The following SEC14L6 variants were observed in gnomAD, a reference collection of about 807,000 sequenced individuals.
SEC14L6 encodes SEC14 like lipid binding 6.
Under a neutral mutation model 54.1 loss-of-function variants are expected in SEC14L6, and 40 were observed. That is an observed-to-expected ratio of 0.74 (90% CI 0.57 to 0.96). The LOEUF is 0.96. Among genes scored for constraint, SEC14L6 ranks in the 40% least tolerant of loss-of-function variants. SEC14L6 has a pLI of 0.00. For synonymous variants in SEC14L6, 171 were observed against 198.4 expected (o/e 0.86, Z 1.16); for missense variants, 471 against 498.3 (o/e 0.95, Z 0.52).
At chr22:30,540,947 G>A (rs547378716) in intron 1 of SEC14L6, among the ~76,000 whole-genome samples, 6 of 149,262 alleles carry the variant, frequency 4.0e-5, no homozygotes, top group African/African-American at 1.2e-4. Flanking sequence ...TGAACCCAGA[G>A]AGCGGAGGCT....
Position 30,543,957 on chromosome 22 carries a change from G to A in SEC14L6, c.54+2672C>T, listed in dbSNP as rs555072276. 100 of 1,606,324 alleles carry A rather than the reference G, an allele frequency of 6.2e-5. No homozygotes were observed. The African/African-American group carries it at 8.8e-4, about 14-fold the overall frequency. ...GCATTCAGACCAGCCTGCAGCCTGC[G>A]TCGGAGGACACCCTCACCTATGCTG... On this transcript the variant is annotated intron_variant, in intron 1 of 11. Coordinates refer to ENST00000402034, the MANE Select transcript of SEC14L6 (RefSeq NM_001193336.4).
At chr22:30,534,373 C>T (rs1491003460) in intron 2 of SEC14L6, among the ~76,000 whole-genome samples, 1 of 151,950 alleles carries the variant, frequency 6.6e-6, no homozygotes, top group African/African-American at 2.4e-5. Context: ...ACATTTTGGC[C>T]TCAGGAGCCC....
intron 2 of SEC14L6, 77 bp from the exon 3 acceptor site, chr22:30,534,116 C>T: frequency 7.1e-7 from 1 of 1,414,012 alleles, no homozygotes; most frequent in Non-Finnish European, 9.7e-7. Flanking sequence ...ACGGCCCTGC[C>T]CCACCCTCCA....
At chr22:30,532,097 T>C (rs1162438367) in intron 5 of SEC14L6, 99 bp from the exon 6 acceptor site, 3 of 1,479,728 alleles carry the variant, frequency 2.0e-6, no homozygotes, top group African/African-American at 1.4e-5. Flanking sequence ...GCCTGGCTTG[T>C]CTCAGCTCTG....
intron 8 of SEC14L6, among the ~76,000 whole-genome samples, chr22:30,527,051 T>C (rs1208085088): frequency 1.3e-5 from 2 of 151,816 alleles, no homozygotes; most frequent in Non-Finnish European, 2.9e-5. Context: ...TGAGCTATGA[T>C]CATGCCACTG....
chr22:30,538,725 T>C (rs769009773), intron 2 of SEC14L6, 102 bp downstream of exon 2: 309 of 787,018 alleles, frequency 3.9e-4, no homozygotes, highest in Non-Finnish European at 5.4e-4. Context: ...GCAGTTGTTT[T>C]AAATGGCTAT....
intron 2 of SEC14L6, among the ~76,000 whole-genome samples, chr22:30,535,887 GTT>G (rs71643521): frequency 0.6 from 76,676 of 128,494 alleles, 22,280 homozygotes; most frequent in Non-Finnish European, 0.66. Flanking sequence ...AGTTTTTTGT[GTT>G]TTTTTTTTTT....
At position 30,525,940 on chromosome 22, in the gene SEC14L6, G is replaced by T. The variant is rs1381708055; in HGVS notation, c.665-8C>A. ...GCTCCTGCTTCCAGTTGTCTGCATGGGAGCAAGAGAGGGACTCCAAAGGGA... is the reference window on the plus strand; with the variant it reads ...GCTCCTGCTTCCAGTTGTCTGCATGTGAGCAAGAGAGGGACTCCAAAGGGA... On this transcript the variant is annotated splice_region_variant and splice_polypyrimidine_tract_variant and intron_variant, in intron 8 of 11. Coordinates refer to ENST00000402034, the MANE Select transcript of SEC14L6 (RefSeq NM_001193336.4). 6.3e-7 allele frequency: 1 copy of T among 1,591,480 alleles called. No homozygotes were observed. The highest frequency in any genetic ancestry group is 2.3e-5 in the East Asian group (1 of 44,242).
At chr22:30,542,994 G>C (rs1046430128) in intron 1 of SEC14L6, 2 of 1,602,192 alleles carry the variant, frequency 1.2e-6, no homozygotes. Flanking sequence ...GCACTGAGCT[G>C]TCTGTGCGTG....
chr22:30,534,752 C>T (rs1202648601), intron 2 of SEC14L6, among the ~76,000 whole-genome samples: 1 of 152,160 alleles, frequency 6.6e-6, no homozygotes, highest in East Asian at 1.9e-4. Context: ...CATCTGGGAA[C>T]TATGGCTCAT....
intron 8 of SEC14L6, among the ~76,000 whole-genome samples, chr22:30,526,909 A>T (rs780584928): frequency 7.2e-5 from 11 of 152,084 alleles, no homozygotes; most frequent in Admixed American, 7.2e-4. Context: ...TAGTCTGGGT[A>T]ACATAGTAAA....
chr22:30,545,396 T>C (rs2085788143), intron 1 of SEC14L6, among the ~76,000 whole-genome samples: 1 of 151,098 alleles, frequency 6.6e-6, no homozygotes, highest in African/African-American at 2.4e-5. Context: ...CTCAAAACAC[T>C]CATTTTTTTT....
At chr22:30,533,006 T>A in intron 3 of SEC14L6, 150 bp from the exon 4 acceptor site, 1 of 1,486,242 alleles carries the variant, frequency 6.7e-7, no homozygotes. Context: ...AACTGGGGGA[T>A]GGAAACAGGA....
chr22:30,534,810 A>G (rs1476385561), intron 2 of SEC14L6, among the ~76,000 whole-genome samples: 1 of 152,092 alleles, frequency 6.6e-6, no homozygotes, highest in East Asian at 1.9e-4. Context: ...AGATCACCTG[A>G]GGTCAGGAGT....
chr22:30,541,533 C>A (rs11704402), intron 1 of SEC14L6, among the ~76,000 whole-genome samples: 1 of 152,144 alleles, frequency 6.6e-6, no homozygotes, highest in African/African-American at 2.4e-5. Context: ...GTGGCACACG[C>A]CTGTGATCCC....
intron 6 of SEC14L6, among the ~76,000 whole-genome samples, chr22:30,531,265 G>A (rs1320310666): frequency 1.3e-5 from 2 of 151,630 alleles, no homozygotes; most frequent in Non-Finnish European, 2.9e-5. Flanking sequence ...AAAATTAGCC[G>A]GGCGTGGTGG....
At chr22:30,529,396 CT>C (rs1234029933) in intron 6 of SEC14L6, 47 bp from the exon 7 acceptor site, 4 of 1,448,412 alleles carry the variant, frequency 2.8e-6, no homozygotes. Context: ...ACACTGTCCC[CT>C]TGCATCCCCT....
At chr22:30,533,650 A>C (rs938953331) in intron 3 of SEC14L6, among the ~76,000 whole-genome samples, 3 of 150,806 alleles carry the variant, frequency 2.0e-5, no homozygotes, top group Non-Finnish European at 4.4e-5. Flanking sequence ...GGGCCTTTGC[A>C]TGAGCTGTGC....
chr22:30,526,483 GA>G (rs1936784512), intron 8 of SEC14L6, among the ~76,000 whole-genome samples: 3 of 152,216 alleles, frequency 2.0e-5, no homozygotes, highest in Admixed American at 2.0e-4. Context: ...AGCAGAGGTG[GA>G]CACCCAGTAC....
Sources: gnomAD v4.1 joint callset for allele counts (sites outside exome capture counted in the v4.1 genomes callset) on GRCh38, gnomAD v4.1.1 for gene constraint, MANE v1.5 for transcripts, NCBI Gene and HGNC (gene_info 2026-07-23, HGNC 2026-07-21) for gene names.